The following DBH variants were observed in gnomAD, a reference collection of about 807,000 sequenced individuals.
DBH encodes dopamine beta-hydroxylase, also known as dopamine beta-hydroxylase (dopamine beta-monooxygenase).
A neutral mutation model predicts 64.0 loss-of-function variants in DBH; 49 were observed. The observed-to-expected ratio is 0.77, with a 90% CI of 0.61 to 0.97. DBH has a LOEUF of 0.97. Ranked by LOEUF, DBH falls within the 50% of genes least tolerant of loss-of-function variation. The probability of loss-of-function intolerance (pLI) is 0.00; values close to 1 mark genes in which losing one functional copy is unlikely to be tolerated. For missense variants in DBH, 828 were observed against 826.6 expected (o/e 1.00, Z -0.02); for synonymous variants, 343 against 347.1 (o/e 0.99, Z 0.13).
chr9:133,646,472 C>T (rs1832182966), intron 5 of DBH, among the ~76,000 whole-genome samples: 1 of 152,166 alleles, frequency 6.6e-6, no homozygotes, highest in Non-Finnish European at 1.5e-5. Flanking sequence ...GGTGGGGCTA[C>T]CTGGATGACA....
At chr9:133,640,020 G>A (rs754327037) in intron 2 of DBH, 28 bp downstream of exon 2, 1 of 1,613,300 alleles carries the variant, frequency 6.2e-7, no homozygotes, top group African/African-American at 1.3e-5. Flanking sequence ...GTACCCAGGA[G>A]GGCGTGGGCT....
Position 133,647,853 on chromosome 9 carries a change from C to G in DBH, c.1032C>G (p.Asn344Lys). 6.2e-7 allele frequency: 1 copy of G among 1,614,204 alleles called. No individual in the cohort carries two copies. The highest frequency in any genetic ancestry group is 8.5e-7 in the Non-Finnish European group (1 of 1,180,038). The change falls in exon 6 of 12, where the codon AAC becomes AAG. Residue 344 changes from asparagine (N) to lysine (K), a missense_variant. Coordinates refer to ENST00000393056, the MANE Select transcript of DBH (RefSeq NM_000787.4). ...YHNPLVIEGR[N>K]DSSGIRLYYT... Reference sequence around the variant, plus strand: ...CATCCCACCTTCTCCCAGGACGAAACGACTCCTCAGGCATCCGCTTGTACT... The same window carrying G: ...CATCCCACCTTCTCCCAGGACGAAAGGACTCCTCAGGCATCCGCTTGTACT...
At chr9:133,652,206 AG>A in intron 7 of DBH, 39 bp from the exon 8 acceptor site, 1 of 1,612,638 alleles carries the variant, frequency 6.2e-7, no homozygotes, top group Non-Finnish European at 8.5e-7. Flanking sequence ...CAGCTCTCTG[AG>A]GTCTCCTCTC....
At chr9:133,652,223 C>T (rs1344754297) in intron 7 of DBH, 23 bp from the exon 8 acceptor site, 4 of 1,613,646 alleles carry the variant, frequency 2.5e-6, no homozygotes, top group African/African-American at 1.3e-5. Flanking sequence ...CTCTCCCCCA[C>T]CCCTCGGCTC....
At chr9:133,656,398 C>G (rs1228683215) in intron 9 of DBH, 125 bp from the exon 10 acceptor site, 1 of 1,353,288 alleles carries the variant, frequency 7.4e-7, no homozygotes, top group Non-Finnish European at 1.0e-6. Context: ...TTCCCCAGAG[C>G]ATGCCTGGCA....
intron 5 of DBH, 69 bp downstream of exon 5, chr9:133,644,389 C>G: frequency 7.5e-7 from 1 of 1,335,484 alleles, no homozygotes; most frequent in Non-Finnish European, 1.1e-6. Flanking sequence ...GTGAGCAAAT[C>G]CCGCCCTTCG....
At chr9:133,642,877 C>T (rs1014998666) in intron 3 of DBH, among the ~76,000 whole-genome samples, 2 of 152,190 alleles carry the variant, frequency 1.3e-5, no homozygotes, top group African/African-American at 4.8e-5. Flanking sequence ...TCCACTATGC[C>T]ACTAGTCCCG....
intron 9 of DBH, among the ~76,000 whole-genome samples, chr9:133,654,401 G>A (rs1832288842): frequency 6.6e-6 from 1 of 152,320 alleles, no homozygotes; most frequent in South Asian, 2.1e-4. Context: ...ATTTTCACAG[G>A]TGAGACATAA....
chr9:133,657,129 C>T lies in DBH; in HGVS notation c.1622C>T (p.Ser541Phe). The T allele has an allele frequency of 6.2e-7, 1 of 1,614,122 alleles. No homozygotes were observed. Among genetic ancestry groups the T allele is most frequent in the Non-Finnish European group, 8.5e-7 (1 of 1,180,020 alleles). Residue 541 changes from serine (S) to phenylalanine (F), a missense_variant, in exon 11 of 12, where the codon TCT becomes TTT. By Grantham distance (155) the Ser-to-Phe change is radical. Coordinates refer to ENST00000393056, the MANE Select transcript of DBH (RefSeq NM_000787.4). ...GCGTCCGTGTCTCAGCAGTTCACCT[C>T]TGTTCCCTGGAACTCCTTCAACCGC... is the stretch of plus-strand genomic sequence containing the variant. The part of the protein sequence containing the change: ...PQASVSQQFT[S>F]VPWNSFNRDV...
rs1328166059 is a variant in DBH, at chr9:133,643,909, T to G, written c.922-309T>G. Among the ~76,000 whole-genome samples, 1 of 152,114 alleles carries G rather than the reference T, an allele frequency of 6.6e-6. No individual in the cohort carries two copies. Among genetic ancestry groups the G allele is most frequent in the Non-Finnish European group, 1.5e-5 (1 of 68,000 alleles). ...CAGGGCTGGCTGGCGGTGGGGCCAG[T>G]GTTGAGGCCTCCACAGGCTGAGACG... On this transcript the variant is annotated intron_variant, in intron 4 of 11. Transcript: ENST00000393056. The surrounding 1 kb of genome is among the most constrained non-coding windows in gnomAD (Gnocchi z 5.3).
intron 5 of DBH, among the ~76,000 whole-genome samples, chr9:133,647,593 G>GA (rs1306682283): frequency 2.0e-5 from 3 of 152,192 alleles, no homozygotes; most frequent in Non-Finnish European, 4.4e-5. Flanking sequence ...AGTTTTCATA[G>GA]AAACAGCAGC....
intron 5 of DBH, among the ~76,000 whole-genome samples, chr9:133,645,316 G>C (rs1217701245): frequency 1.3e-5 from 2 of 152,056 alleles, no homozygotes; most frequent in Non-Finnish European, 2.9e-5. Context: ...GCACAGAGAA[G>C]GGTATAAGTC....
Position 133,642,334 on chromosome 9 carries a change from C to A in DBH, c.614C>A (p.Pro205Gln). ...CTCCTGAAGCCCAATATCCCCGAACCGGAGTTGCCCTCAGACGCGTGCACC... is the reference window on the plus strand; with the variant it reads ...CTCCTGAAGCCCAATATCCCCGAACAGGAGTTGCCCTCAGACGCGTGCACC... ...VQLLKPNIPE[P>Q]ELPSDACTME... The change falls in exon 3 of 12, where the codon CCG (proline) becomes CAG (glutamine). Residue 205 changes from proline (P) to glutamine (Q), a missense_variant. Transcript: ENST00000393056. 5 of 1,614,186 alleles carry A rather than the reference C, an allele frequency of 3.1e-6. No individual in the cohort carries two copies. The highest frequency in any genetic ancestry group is 4.2e-6 in the Non-Finnish European group (5 of 1,180,040).
intron 5 of DBH, among the ~76,000 whole-genome samples, 170 bp from the exon 6 acceptor site, chr9:133,647,676 A>G (rs1231437590): frequency 6.6e-6 from 1 of 152,210 alleles, no homozygotes; most frequent in East Asian, 1.9e-4. Flanking sequence ...ACAGGTGTGG[A>G]AACAAAGACA....
At chr9:133,650,569 T>TG (rs1408491187) in intron 6 of DBH, among the ~76,000 whole-genome samples, 3 of 137,530 alleles carry the variant, frequency 2.2e-5, no homozygotes, top group African/African-American at 8.1e-5. Flanking sequence ...TTTTTTTTGA[T>TG]GGAGTTTCGC....
intron 11 of DBH, among the ~76,000 whole-genome samples, chr9:133,658,049 G>A (rs1272945976): frequency 6.6e-6 from 1 of 152,068 alleles, no homozygotes; most frequent in African/African-American, 2.4e-5. Context: ...CTACACTAGG[G>A]TGAATGATTA....
chr9:133,657,398 CAGAGAGAGAGGAGAGAGGAGAGAGAGG>C (rs1214825253), intron 11 of DBH, 169 bp downstream of exon 11: 3 of 517,872 alleles, frequency 5.8e-6, no homozygotes, highest in African/African-American at 2.4e-5. Context: ...AGCCAGCCAG[CAGAGAGAGAGGAGAGAGGAGAGAGAGG>C]AGAGAGAGGA....
At chr9:133,646,815 G>A (rs761206493) in intron 5 of DBH, among the ~76,000 whole-genome samples, 5 of 152,156 alleles carry the variant, frequency 3.3e-5, no homozygotes, top group South Asian at 2.1e-4. Flanking sequence ...GTGAGCCACC[G>A]TGCCCGGCCC....
At chr9:133,646,380 C>A (rs929788896) in intron 5 of DBH, among the ~76,000 whole-genome samples, 3 of 152,098 alleles carry the variant, frequency 2.0e-5, no homozygotes, top group African/African-American at 7.2e-5. Context: ...TGGGGCCAGG[C>A]CTTTAGATCC....
Sources: gnomAD v4.1 joint callset for allele counts (sites outside exome capture counted in the v4.1 genomes callset) on GRCh38, gnomAD v4.1.1 for gene constraint, Gnocchi (gnomAD v3.1) non-coding constraint, MANE v1.5 for transcripts, NCBI Gene and HGNC (gene_info 2026-07-23, HGNC 2026-07-21) for gene names.